The following ITFG1 variants were observed in gnomAD, a reference collection of about 807,000 sequenced individuals.
ITFG1 encodes the protein integrin alpha FG-GAP repeat containing 1.
ITFG1 carries 34 observed loss-of-function variants against 81.8 expected under a neutral mutation model. The observed-to-expected ratio is 0.42, with a 90% CI of 0.32 to 0.55. The LOEUF is 0.55. Ranked by LOEUF, ITFG1 falls within the 20% of genes least tolerant of loss-of-function variation. The probability of loss-of-function intolerance (pLI) is 0.17; values close to 1 mark genes in which losing one functional copy is unlikely to be tolerated. For synonymous variants in ITFG1, 285 were observed against 270.6 expected, an observed-to-expected ratio of 1.05 and a Z score of -0.52; for missense variants, 672 against 755.4, an observed-to-expected ratio of 0.89 and a Z score of 1.29.
intron 7 of ITFG1, among the ~76,000 whole-genome samples, chr16:47,368,637 T>A (rs1287977859): frequency 6.9e-6 from 1 of 144,934 alleles, no homozygotes; most frequent in Non-Finnish European, 1.5e-5. Flanking sequence ...CATGAATGAA[T>A]GGAAAAATCT....
intron 17 of ITFG1, among the ~76,000 whole-genome samples, chr16:47,156,529 T>C (rs1964711117): frequency 6.6e-6 from 1 of 152,178 alleles, no homozygotes; most frequent in Admixed American, 6.5e-5. Flanking sequence ...GCTATTTTAA[T>C]ATTAAAAAAA....
chr16:47,381,668 T>C (rs1407904681), intron 6 of ITFG1, among the ~76,000 whole-genome samples: 1 of 152,170 alleles, frequency 6.6e-6, no homozygotes, highest in Non-Finnish European at 1.5e-5. Flanking sequence ...GTTATATTAG[T>C]GGAAGGGCAG....
rs921516327 is a variant in ITFG1 at position 47,273,781 on chromosome 16, A to AGTTT, written c.1071-13090_1071-13087dup. Among the ~76,000 whole-genome samples, 20 of 150,978 alleles carry AGTTT rather than the reference A, an allele frequency of 1.3e-4. No homozygotes were observed. The East Asian group carries it at 1.5e-3, about 12-fold the overall frequency. ...TTACCTATATTCAAAAGAATCTATT[A>AGTTT]GTTTGTTTGTTTATTTATTTATTTA... On this transcript the variant is annotated intron_variant, in intron 10 of 17. Transcript: ENST00000320640.
intron 6 of ITFG1, among the ~76,000 whole-genome samples, chr16:47,406,195 T>C (rs1489135648): frequency 6.6e-6 from 1 of 152,196 alleles, no homozygotes; most frequent in East Asian, 1.9e-4. Context: ...TTAGAAGCGA[T>C]TTATATGATA....
intron 8 of ITFG1, among the ~76,000 whole-genome samples, chr16:47,336,599 A>G (rs2151575751): frequency 6.6e-6 from 1 of 152,342 alleles, no homozygotes; most frequent in Admixed American, 6.5e-5. Context: ...CAGATACCTG[A>G]GGCAAAAGAT....
At chr16:47,256,715 A>G (rs1226780692) in intron 12 of ITFG1, among the ~76,000 whole-genome samples, 1 of 152,240 alleles carries the variant, frequency 6.6e-6, no homozygotes, top group Non-Finnish European at 1.5e-5. Flanking sequence ...CTTAGCTCAA[A>G]TAAGACTGAA....
At chr16:47,394,668 C>T (rs1968572849) in intron 6 of ITFG1, among the ~76,000 whole-genome samples, 1 of 151,684 alleles carries the variant, frequency 6.6e-6, no homozygotes, top group Admixed American at 6.6e-5. Context: ...CTATAAATCT[C>T]TCAATTTGTA....
intron 10 of ITFG1, among the ~76,000 whole-genome samples, chr16:47,279,104 C>T (rs1230622492): frequency 6.6e-6 from 1 of 151,918 alleles, no homozygotes; most frequent in East Asian, 1.9e-4. Context: ...ATCCTCTTTG[C>T]AATGTCTTTT....
rs1208134854 is a variant in ITFG1, at chr16:47,430,957, G to A, written c.561-2059C>T. Among the ~76,000 whole-genome samples the A allele has an allele frequency of 2.0e-5, 3 of 152,272 alleles. No individual in the cohort carries two copies. The East Asian group carries it at 5.8e-4, about 29-fold the overall frequency. ...CAGTGGATAAATGGATAAACAAAATGTCATATATCTATACAATGGACTATT... is the reference window on the plus strand; with the variant it reads ...CAGTGGATAAATGGATAAACAAAATATCATATATCTATACAATGGACTATT... On this transcript the variant is annotated intron_variant, in intron 5 of 17. Coordinates refer to ENST00000320640, the MANE Select transcript of ITFG1 (RefSeq NM_030790.5).
chr16:47,292,110 T>C, intron 10 of ITFG1, among the ~76,000 whole-genome samples: 1 of 152,028 alleles, frequency 6.6e-6, no homozygotes, highest in Non-Finnish European at 1.5e-5. Flanking sequence ...ACCTTCTGGT[T>C]TCAAGAGATT....
At chr16:47,311,059 AAAC>A (rs1226801339) in intron 10 of ITFG1, among the ~76,000 whole-genome samples, 178 bp downstream of exon 10, 1 of 152,128 alleles carries the variant, frequency 6.6e-6, no homozygotes, top group African/African-American at 2.4e-5. Context: ...AAAAAAAAAA[AAAC>A]AACTAAGCAG....
At chr16:47,237,931 T>G (rs774385590) in intron 13 of ITFG1, 34 bp downstream of exon 13, 1 of 935,884 alleles carries the variant, frequency 1.1e-6, no homozygotes, top group Middle Eastern at 2.5e-4. Context: ...AGAATTTTCA[T>G]AGACATATTT....
chr16:47,223,006 T>C (rs1166875597), intron 13 of ITFG1, among the ~76,000 whole-genome samples: 1 of 151,808 alleles, frequency 6.6e-6, no homozygotes, highest in African/African-American at 2.4e-5. Context: ...ATTTAATAAA[T>C]GGTGCTGGGA....
At chr16:47,281,132 G>A (rs989532682) in intron 10 of ITFG1, among the ~76,000 whole-genome samples, 4 of 152,092 alleles carry the variant, frequency 2.6e-5, no homozygotes, top group African/African-American at 4.8e-5. Flanking sequence ...CTGGGGACTG[G>A]AGCTTGAGAT....
chr16:47,318,920 C>T (rs1318802762), intron 8 of ITFG1, among the ~76,000 whole-genome samples: 4 of 152,128 alleles, frequency 2.6e-5, no homozygotes, highest in Non-Finnish European at 5.9e-5. Context: ...TTTCAGACAA[C>T]CTTGGGTATT....
At chr16:47,427,078 T>C (rs1357667386) in intron 6 of ITFG1, among the ~76,000 whole-genome samples, 1 of 152,176 alleles carries the variant, frequency 6.6e-6, no homozygotes, top group Non-Finnish European at 1.5e-5. Context: ...GAGTTCTTTT[T>C]AACAGAAAAT....
chr16:47,315,775 A>ATATATATATATATATATATATATATG lies in ITFG1; in HGVS notation c.803-1953_803-1952insCATATATATATATATATATATATATA, dbSNP rs200525858. Among the ~76,000 whole-genome samples the ATATATATATATATATATATATATATG allele has an allele frequency of 3.7e-4, 56 of 151,368 alleles. 1 individual carries two copies. Among genetic ancestry groups the ATATATATATATATATATATATATATG allele is most frequent in the African/African-American group, 1.4e-3 (56 of 40,816 alleles). On this transcript the variant is annotated intron_variant, in intron 8 of 17. Transcript: ENST00000320640. ...TTGTGCTATTCTAAATGCCATATAT[A>ATATATATATATATATATATATATATG]TATACACATATATATAATTTATTAT...
At chr16:47,290,968 A>G (rs1368286917) in intron 10 of ITFG1, among the ~76,000 whole-genome samples, 1 of 151,834 alleles carries the variant, frequency 6.6e-6, no homozygotes, top group Non-Finnish European at 1.5e-5. Flanking sequence ...TTCTTTTAAT[A>G]TCTGTTCTAT....
chr16:47,232,775 C>T (rs1004910779), intron 13 of ITFG1, among the ~76,000 whole-genome samples: 3 of 151,628 alleles, frequency 2.0e-5, no homozygotes, highest in South Asian at 2.1e-4. Context: ...CCGGGTAGCT[C>T]GGGTACAGGT....
Sources: allele counts gnomAD v4.1 joint callset (sites outside exome capture counted in the v4.1 genomes callset), GRCh38; gene constraint gnomAD v4.1.1; transcripts MANE v1.5; gene names NCBI Gene and HGNC (gene_info 2026-07-23, HGNC 2026-07-21).